Variants in HMGCLL1 observed in about 807,000 individuals in gnomAD.
The protein encoded by HMGCLL1 is 3-hydroxy-3-methylglutaryl-CoA lyase like 1, also known as 3-hydroxymethyl-3-methylglutaryl-CoA lyase, cytoplasmic.
HMGCLL1 carries 36 observed loss-of-function variants against 39.1 expected under a neutral mutation model. The observed-to-expected ratio is 0.92, with a 90% CI of 0.71 to 1.22. HMGCLL1 has a LOEUF of 1.22. Among genes scored for constraint, HMGCLL1 ranks in the 50% most tolerant of loss-of-function variants. The probability of loss-of-function intolerance (pLI) is 0.00; values close to 1 mark genes in which losing one functional copy is unlikely to be tolerated. For synonymous variants in HMGCLL1, 149 were observed against 144.0 expected (o/e 1.03, Z -0.25); for missense variants, 451 against 416.5 (o/e 1.08, Z -0.72).
chr6:55,445,348 T>A (rs1258505286), intron 7 of HMGCLL1, among the ~76,000 whole-genome samples: 1 of 152,050 alleles, frequency 6.6e-6, no homozygotes, highest in Non-Finnish European at 1.5e-5. Flanking sequence ...ATGTATGTTT[T>A]CTTCACATCT....
At chr6:55,500,457 T>TA (rs1287816692) in intron 5 of HMGCLL1, among the ~76,000 whole-genome samples, 21 of 151,964 alleles carry the variant, frequency 1.4e-4, no homozygotes, top group African/African-American at 4.6e-4. Context: ...AGTAGAAAAA[T>TA]AAAATACATA....
At chr6:55,470,029 G>A (rs1032078857) in intron 7 of HMGCLL1, among the ~76,000 whole-genome samples, 10 of 151,814 alleles carry the variant, frequency 6.6e-5, no homozygotes, top group African/African-American at 2.4e-4. Flanking sequence ...AAATGAAATT[G>A]GCAGAGTAGC....
chr6:55,550,873 A>T (rs1422341333), intron 1 of HMGCLL1, among the ~76,000 whole-genome samples: 3 of 151,530 alleles, frequency 2.0e-5, no homozygotes, highest in African/African-American at 7.3e-5. Context: ...ACAAGACAGG[A>T]CTCCACAACA....
intron 1 of HMGCLL1, among the ~76,000 whole-genome samples, chr6:55,545,591 C>A (rs1769919034): frequency 6.6e-6 from 1 of 151,928 alleles, no homozygotes; most frequent in Non-Finnish European, 1.5e-5. Flanking sequence ...TATATGCCAA[C>A]TTAGAGCCAG....
At chr6:55,518,393 C>A (rs746657749) in intron 3 of HMGCLL1, among the ~76,000 whole-genome samples, 1 of 152,016 alleles carries the variant, frequency 6.6e-6, no homozygotes, top group Non-Finnish European at 1.5e-5. Flanking sequence ...TGGCATTGTT[C>A]CAACAAAAAA....
In HMGCLL1 at chr6:55,447,272, C is replaced by T. The variant is rs139712082; in HGVS notation, c.796-7713G>A. Reference sequence around the variant, plus strand: ...TGATGTGTATTGTGAACATAATATACGTGATAGGTAAGCCATAGATAATGA... The same window carrying T: ...TGATGTGTATTGTGAACATAATATATGTGATAGGTAAGCCATAGATAATGA... On this transcript the variant is annotated intron_variant, in intron 7 of 8. Coordinates refer to ENST00000274901, the MANE Select transcript of HMGCLL1 (RefSeq NM_001042406.2). Among the ~76,000 whole-genome samples the T allele has an allele frequency of 3.2e-4, 48 of 151,894 alleles. No homozygotes were observed. In the East Asian group the frequency reaches 7.3e-3, roughly 23 times the overall value.
At chr6:55,575,752 A>T (rs1226398626) in intron 1 of HMGCLL1, among the ~76,000 whole-genome samples, 1 of 150,122 alleles carries the variant, frequency 6.7e-6, no homozygotes, top group Non-Finnish European at 1.5e-5. Flanking sequence ...ATGAGGTCCT[A>T]TGAGACAAAA....
At chr6:55,658,093 A>T in the HMGCLL1 span, among the ~76,000 whole-genome samples, 2 of 151,906 alleles carry the variant, frequency 1.3e-5, no homozygotes, top group African/African-American at 4.8e-5. Flanking sequence ...ATTTGTGACA[A>T]GAGGGGAATC....
At chr6:55,517,672 T>C (rs1391111418) in intron 3 of HMGCLL1, among the ~76,000 whole-genome samples, 1 of 151,828 alleles carries the variant, frequency 6.6e-6, no homozygotes, top group Non-Finnish European at 1.5e-5. Flanking sequence ...ATTTGAAAAA[T>C]ATTATAATAT....
the HMGCLL1 span, among the ~76,000 whole-genome samples, chr6:55,599,379 T>C: frequency 1.3e-5 from 2 of 152,196 alleles, no homozygotes; most frequent in Admixed American, 1.3e-4. Context: ...TTTCCAGCTA[T>C]ATCTGCAACT....
intron 7 of HMGCLL1, among the ~76,000 whole-genome samples, chr6:55,441,069 C>T (rs1299248350): frequency 1.4e-5 from 2 of 144,388 alleles, no homozygotes; most frequent in African/African-American, 4.9e-5. Flanking sequence ...GTACAGGGAC[C>T]ACATGCAATG....
the HMGCLL1 span, among the ~76,000 whole-genome samples, chr6:55,651,950 C>T: frequency 6.6e-6 from 1 of 152,008 alleles, no homozygotes; most frequent in Non-Finnish European, 1.5e-5. Flanking sequence ...CTTTGGGTCA[C>T]GTGGCTGCAG....
At chr6:55,557,112 T>C (rs1221861611) in intron 1 of HMGCLL1, among the ~76,000 whole-genome samples, 1 of 152,188 alleles carries the variant, frequency 6.6e-6, no homozygotes, top group African/African-American at 2.4e-5. Context: ...AGCAATATTT[T>C]GCTCTCTCCA....
At chr6:55,473,735 A>T (rs1765153157) in intron 7 of HMGCLL1, among the ~76,000 whole-genome samples, 1 of 151,368 alleles carries the variant, frequency 6.6e-6, no homozygotes, top group Non-Finnish European at 1.5e-5. Context: ...TGATATATAC[A>T]TACATAAGTA....
intron 6 of HMGCLL1, among the ~76,000 whole-genome samples, chr6:55,496,415 T>C (rs919973489): frequency 2.6e-5 from 4 of 152,184 alleles, no homozygotes; most frequent in Non-Finnish European, 5.9e-5. Flanking sequence ...CATAACTGCA[T>C]AAAATTAATT....
chr6:55,472,170 GA>G (rs1329778244), intron 7 of HMGCLL1, among the ~76,000 whole-genome samples: 1 of 151,504 alleles, frequency 6.6e-6, no homozygotes, highest in Non-Finnish European at 1.5e-5. Context: ...ATATACCTAG[GA>G]ATGGAATTGT....
the HMGCLL1 span, among the ~76,000 whole-genome samples, chr6:55,677,468 A>C: frequency 1.9e-4 from 29 of 152,326 alleles, no homozygotes; most frequent in African/African-American, 6.7e-4. Context: ...CTTCATTACA[A>C]TTTACACTTT....
chr6:55,568,523 A>C (rs1276568597), intron 1 of HMGCLL1, among the ~76,000 whole-genome samples: 1 of 152,180 alleles, frequency 6.6e-6, no homozygotes, highest in Non-Finnish European at 1.5e-5. Context: ...ATTCAAGTTT[A>C]CTTATATTTT....
At chr6:55,488,130 A>T (rs1050386527) in intron 7 of HMGCLL1, among the ~76,000 whole-genome samples, 6 of 152,148 alleles carry the variant, frequency 3.9e-5, no homozygotes, top group African/African-American at 1.4e-4. Flanking sequence ...AATAAAATGC[A>T]TAATGTAATT....
Sources: allele counts gnomAD v4.1 joint callset (sites outside exome capture counted in the v4.1 genomes callset), GRCh38; gene constraint gnomAD v4.1.1; transcripts MANE v1.5; gene names NCBI Gene and HGNC (gene_info 2026-07-23, HGNC 2026-07-21).